The following DST variants were observed in gnomAD, a reference collection of about 807,000 sequenced individuals.
DST encodes the protein dystonin, also known as bullous pemphigoid antigen.
In DST, 253 loss-of-function variants were observed where a neutral mutation model predicts 875.2. The ratio of observed to expected loss-of-function variants is 0.29; its 90% CI spans 0.26 to 0.32. The LOEUF is 0.32. Ranked by LOEUF, DST falls within the 10% of genes least tolerant of loss-of-function variation. The pLI is 1.00. For synonymous variants in DST, 3,124 were observed against 3,197.1 expected (o/e 0.98, Z 0.77); for missense variants, 8,287 against 9,111.6 (o/e 0.91, Z 3.68).
At chr6:56,845,096 C>A (rs574387205) in intron 4 of DST, among the ~76,000 whole-genome samples, 6 of 152,252 alleles carry the variant, frequency 3.9e-5, no homozygotes, top group African/African-American at 1.4e-4. Flanking sequence ...GAGGTGGGGT[C>A]TCACTCTGTC....
chr6:56,731,464 CT>C (rs2099498147), intron 5 of DST, among the ~76,000 whole-genome samples: 1 of 152,196 alleles, frequency 6.6e-6, no homozygotes, highest in African/African-American at 2.4e-5. Context: ...ATATTGTATG[CT>C]TCAACCTTAC....
At chr6:56,676,694 T>TAAAAAAA (rs34164286) in intron 9 of DST, among the ~76,000 whole-genome samples, 1 of 143,788 alleles carries the variant, frequency 7.0e-6, no homozygotes. Context: ...TGATCAGCCT[T>TAAAAAAA]AAAAAAAAAA....
At chr6:56,953,085 C>T (rs796718420) in intron 2 of DST, among the ~76,000 whole-genome samples, 13 of 152,298 alleles carry the variant, frequency 8.5e-5, no homozygotes, top group Admixed American at 2.6e-4. Flanking sequence ...AGCCTGGCGG[C>T]GTGCAACTTT....
chr6:56,598,441 C>T (rs774484327), intron 46 of DST, 35 bp downstream of exon 46: 2 of 1,284,834 alleles, frequency 1.6e-6, no homozygotes, highest in East Asian at 2.5e-5. Flanking sequence ...AGCTTTTTGA[C>T]ATAGCAATAG....
In DST at chr6:56,606,148, C is replaced by A. The variant is rs745567808; in HGVS notation, c.8480G>T (p.Arg2827Met). The change falls in exon 40 of 104, where the codon AGG becomes ATG. Residue 2827 changes from arginine to methionine, a missense_variant. Arg to Met is a moderately conservative substitution (Grantham distance 91, BLOSUM62 -1). Transcript: ENST00000680361. ...CATATCTTCAGCCACATTTTGGCAC[C>A]TGGGCTTTCCATTCTCATCTCTTAT... Reference protein sequence around the residue: ...GGIRDENGKPRCQNVAEDMDI... With the variant: ...GGIRDENGKPMCQNVAEDMDI... 6.2e-7 allele frequency: 1 copy of A among 1,609,568 alleles called. No individual in the cohort carries two copies.
chr6:56,791,612 C>G (rs2099723998), intron 4 of DST, among the ~76,000 whole-genome samples: 1 of 151,832 alleles, frequency 6.6e-6, no homozygotes, highest in South Asian at 2.1e-4. Context: ...ATAGGAAGAT[C>G]CCGTCTCTAC....
At chr6:56,669,331 T>C (rs2099087730) in intron 10 of DST, among the ~76,000 whole-genome samples, 1 of 150,786 alleles carries the variant, frequency 6.6e-6, no homozygotes, top group African/African-American at 2.4e-5. Flanking sequence ...TATATAGTTT[T>C]CAGCCTGTAA....
chr6:56,843,038 G>T, intron 4 of DST: 1 of 1,447,070 alleles, frequency 6.9e-7, no homozygotes, highest in Non-Finnish European at 9.3e-7. Flanking sequence ...CGCAGCCCCA[G>T]GGCAGGGACC....
intron 58 of DST, among the ~76,000 whole-genome samples, chr6:56,559,700 ACAT>A (rs2097503518): frequency 1.3e-5 from 2 of 152,020 alleles, no homozygotes; most frequent in African/African-American, 4.8e-5. Flanking sequence ...CTCATTTTCT[ACAT>A]CATTATAGTA....
intron 4 of DST, among the ~76,000 whole-genome samples, chr6:56,766,862 G>A (rs1000841346): frequency 8.5e-5 from 13 of 152,078 alleles, no homozygotes; most frequent in African/African-American, 2.7e-4. Context: ...TGATTATATG[G>A]GAAACCCCAA....
chr6:56,942,849 T>C (rs1817399660), intron 2 of DST, among the ~76,000 whole-genome samples: 1 of 151,832 alleles, frequency 6.6e-6, no homozygotes, highest in African/African-American at 2.4e-5. Flanking sequence ...CCCAAGTAGT[T>C]AGGACTATAG....
chr6:56,866,063 G>A (rs917939684), intron 3 of DST, among the ~76,000 whole-genome samples: 4 of 151,458 alleles, frequency 2.6e-5, no homozygotes, highest in African/African-American at 9.7e-5. Context: ...GCGCAATCTC[G>A]GCTCACTGCA....
intron 3 of DST, among the ~76,000 whole-genome samples, chr6:56,869,787 C>A (rs1276462075): frequency 6.6e-6 from 1 of 152,078 alleles, no homozygotes; most frequent in African/African-American, 2.4e-5. Context: ...CAGGCTGAAA[C>A]GAGCCTCCCA....
At chr6:56,706,237 T>A (rs1235209189) in intron 5 of DST, among the ~76,000 whole-genome samples, 2 of 150,884 alleles carry the variant, frequency 1.3e-5, no homozygotes, top group Non-Finnish European at 2.9e-5. Flanking sequence ...TCACTTGAAC[T>A]CAGGAGGCGG....
At chr6:56,636,340 ATGTATG>A (rs559900436) in intron 23 of DST, among the ~76,000 whole-genome samples, 4 of 150,758 alleles carry the variant, frequency 2.7e-5, no homozygotes, top group Non-Finnish European at 5.9e-5. Flanking sequence ...ATATATGTAT[ATGTATG>A]TGTATATATA....
chr6:56,794,338 ACT>A (rs1274855954), intron 4 of DST, among the ~76,000 whole-genome samples: 1 of 151,944 alleles, frequency 6.6e-6, no homozygotes, highest in Non-Finnish European at 1.5e-5. Flanking sequence ...GCTTACCTCC[ACT>A]CTCTCCTGAA....
chr6:56,794,607 T>G (rs2153010911), intron 4 of DST, among the ~76,000 whole-genome samples: 1 of 152,150 alleles, frequency 6.6e-6, no homozygotes, highest in East Asian at 1.9e-4. Flanking sequence ...AAAGCTGGGG[T>G]GGGGTGGGCC....
At chr6:56,692,335 G>T in intron 9 of DST, 2 of 947,654 alleles carry the variant, frequency 2.1e-6, no homozygotes, top group Non-Finnish European at 2.8e-6. Flanking sequence ...TCAGTCTGAT[G>T]TGAGCACCTG....
At chr6:56,603,799 T>G (rs535903222) in intron 40 of DST, 38 bp downstream of exon 40, 8 of 1,588,580 alleles carry the variant, frequency 5.0e-6, no homozygotes, top group African/African-American at 1.4e-5. Flanking sequence ...ACATGGTTCA[T>G]GCAGCTTTTT....
Sources: gnomAD v4.1 joint callset for allele counts (sites outside exome capture counted in the v4.1 genomes callset) on GRCh38, gnomAD v4.1.1 for gene constraint, MANE v1.5 for transcripts, NCBI Gene and HGNC (gene_info 2026-07-23, HGNC 2026-07-21) for gene names.